Variants in PAX5 observed in about 807,000 individuals in gnomAD.
PAX5 encodes the protein paired box 5.
In PAX5, 9 loss-of-function variants were observed where a neutral mutation model predicts 43.7. The observed-to-expected ratio is 0.21, with a 90% CI of 0.12 to 0.36. The LOEUF (loss-of-function observed/expected upper bound fraction) is 0.36. PAX5 is among the 10% of genes least tolerant of loss of function. The pLI is 1.00. For synonymous variants in PAX5, 228 were observed against 214.3 expected (o/e 1.06, Z -0.56); for missense variants, 383 against 532.7 (o/e 0.72, Z 2.77).
rs192396564 is a variant in PAX5, at chr9:36,877,861, G to A, written c.1012+4143C>T. Among the ~76,000 whole-genome samples the A allele has an allele frequency of 9.8e-5, 15 of 152,356 alleles. No individual in the cohort carries two copies. The South Asian group carries it at 2.5e-3, about 25-fold the overall frequency. ...AGATGTGATTGACTAAGGATCTTGC[G>A]ATGGGGAGATCATCCTGGATCCTCC... On this transcript the variant is annotated intron_variant, in intron 8 of 9. Transcript: ENST00000358127.
chr9:37,030,081 G>A (rs1397838325), intron 1 of PAX5, among the ~76,000 whole-genome samples: 1 of 152,192 alleles, frequency 6.6e-6, no homozygotes, highest in African/African-American at 2.4e-5. Flanking sequence ...GGCCCGAGCA[G>A]GAGTAGCGCC....
intron 1 of PAX5, 121 bp downstream of exon 1, chr9:37,033,865 G>C: frequency 1.3e-6 from 1 of 777,950 alleles, no homozygotes; most frequent in African/African-American, 1.7e-5. Context: ...ACACGCCGCA[G>C]TTAGACAGTC....
chr9:37,011,134 A>AC (rs2132449426), intron 3 of PAX5, among the ~76,000 whole-genome samples: 1 of 151,758 alleles, frequency 6.6e-6, no homozygotes, highest in East Asian at 1.9e-4. Context: ...AAAACAAAAA[A>AC]AAAAAAAAAA....
intron 6 of PAX5, among the ~76,000 whole-genome samples, chr9:36,924,472 C>A (rs2131974151): frequency 6.6e-6 from 1 of 152,276 alleles, no homozygotes; most frequent in African/African-American, 2.4e-5. Flanking sequence ...GTCATTCCAA[C>A]ACTTTGGGAG....
intron 6 of PAX5, among the ~76,000 whole-genome samples, chr9:36,959,475 C>T (rs1168078554): frequency 6.6e-6 from 1 of 152,238 alleles, no homozygotes; most frequent in Non-Finnish European, 1.5e-5. Context: ...TCCAGTCATT[C>T]TTCCTAGGTA....
intron 7 of PAX5, among the ~76,000 whole-genome samples, chr9:36,922,319 A>G (rs2131962876): frequency 6.6e-6 from 1 of 152,300 alleles, no homozygotes. Flanking sequence ...CCTGCCTACC[A>G]GCCCACATGG....
intron 6 of PAX5, among the ~76,000 whole-genome samples, chr9:36,925,546 C>T (rs1830580687): frequency 6.6e-6 from 1 of 152,102 alleles, no homozygotes; most frequent in Admixed American, 6.5e-5. Context: ...TACAAATCAG[C>T]AGGAAAGGAT....
At chr9:37,021,844 A>T (rs1387740755) in intron 1 of PAX5, among the ~76,000 whole-genome samples, 18 of 152,244 alleles carry the variant, frequency 1.2e-4, no homozygotes, top group Admixed American at 1.2e-3. Flanking sequence ...AGCCAAGTCA[A>T]AGCATTTATT....
In PAX5 at chr9:36,837,715, G is replaced by A. The variant is rs1490368551; in HGVS notation, c.*2845C>T. 4.3e-6 allele frequency: 1 copy of A among 233,284 alleles called. No homozygotes were observed. Among genetic ancestry groups the A allele is most frequent in the Non-Finnish European group, 8.5e-6 (1 of 118,134 alleles). 14.5% of individuals were successfully genotyped at this position (233,284 alleles called of 1,614,324 possible). A position where few individuals can be genotyped will look rare whatever the true frequency, so the allele number is the denominator to read the frequency against. ...CCGCCTGGCAGCCCAGGAGTCAAGT[G>A]GTTGTCTCACAAATACAAAACCAAT... On this transcript the variant is annotated 3_prime_UTR_variant, in exon 10 of 10. Transcript: ENST00000358127.
In PAX5 at chr9:36,882,190, A is replaced by G; in HGVS notation, c.911-85T>C. ...CACAGCTCCCTGGACGCTTCTGCAC[A>G]TTTGTCACGTTTGGACGCTGAACGG... On this transcript the variant is annotated intron_variant, in intron 7 of 9. Coordinates refer to ENST00000358127, the MANE Select transcript of PAX5 (RefSeq NM_016734.3). The surrounding 1 kb of genome is among the most constrained non-coding windows in gnomAD (Gnocchi z 4.4). The G allele has an allele frequency of 8.7e-7, 1 of 1,149,292 alleles. No homozygotes were observed. Among genetic ancestry groups the G allele is most frequent in the South Asian group, 1.6e-5 (1 of 64,072 alleles). 71.2% of individuals were successfully genotyped at this position (1,149,292 alleles called of 1,614,324 possible).
chr9:37,020,576 G>A, intron 2 of PAX5, 60 bp downstream of exon 2: 1 of 1,516,416 alleles, frequency 6.6e-7, no homozygotes, highest in Non-Finnish European at 9.1e-7. Context: ...GACAGCTGCT[G>A]GGTCATGTTT....
Position 37,034,098 on chromosome 9 carries a change from C to CTTTTTTTTT in PAX5, c.-76_-68dup, listed in dbSNP as rs576653546. 2,107 of 318,738 alleles carry CTTTTTTTTT rather than the reference C, an allele frequency of 6.6e-3. 35 individuals are homozygous for CTTTTTTTTT. The highest frequency in any genetic ancestry group is 0.014 in the South Asian group (480 of 33,652). The allele number at this position is 318,738 out of a possible 1,614,324, so 19.7% of individuals were successfully genotyped here. A position where few individuals can be genotyped will look rare whatever the true frequency, so the allele number is the denominator to read the frequency against. On this transcript the variant is annotated 5_prime_UTR_variant, in exon 1 of 10. Coordinates refer to ENST00000358127, the MANE Select transcript of PAX5 (RefSeq NM_016734.3). The stretch of plus-strand genomic sequence containing the variant: ...TCCACTTTTTTGTGCCTTTTTTTTT[C>CTTTTTTTTT]TTTTTTTTTTTTTTTTTTTTTTTTT...
chr9:36,939,280 G>A (rs1831823208), intron 6 of PAX5, among the ~76,000 whole-genome samples: 1 of 152,150 alleles, frequency 6.6e-6, no homozygotes, highest in Admixed American at 6.5e-5. Context: ...TGGGCTGTGG[G>A]TGATCCTCAG....
rs540128454 is a variant in PAX5 at position 36,843,452 on chromosome 9, G to T, written c.1100-2816C>A. The stretch of plus-strand genomic sequence containing the variant: ...TGCCCTGCACATCTCAAGAGAGCAT[G>T]CATGCAGCTCCTGTTGGAATGAGGC... On this transcript the variant is annotated intron_variant, in intron 9 of 9. Transcript: ENST00000358127. 2.0e-5 allele frequency among the ~76,000 whole-genome samples: 3 copies of T among 151,926 alleles called. No homozygotes were observed. In the South Asian group the frequency reaches 6.2e-4, roughly 31 times the overall value.
Position 36,836,225 on chromosome 9 carries a change from C to T in PAX5, c.*4335G>A, listed in dbSNP as rs923675471. On this transcript the variant is annotated 3_prime_UTR_variant, in exon 10 of 10. Coordinates refer to ENST00000358127, the MANE Select transcript of PAX5 (RefSeq NM_016734.3). Reference sequence around the variant, plus strand: ...ACCCAGCAGCTCCCCAATCCCGTCCCCAGCGCCTCTGACCTTCCACCCAAC... The same window carrying T: ...ACCCAGCAGCTCCCCAATCCCGTCCTCAGCGCCTCTGACCTTCCACCCAAC... 4.3e-6 allele frequency: 1 copy of T among 233,708 alleles called. No homozygotes were observed. Among genetic ancestry groups the T allele is most frequent in the Non-Finnish European group, 8.4e-6 (1 of 118,376 alleles). 14.5% of individuals were successfully genotyped at this position (233,708 alleles called of 1,614,324 possible). A position where few individuals can be genotyped will look rare whatever the true frequency, so the allele number is the denominator to read the frequency against.
At chr9:36,910,562 G>A (rs555471742) in intron 7 of PAX5, among the ~76,000 whole-genome samples, 2 of 152,230 alleles carry the variant, frequency 1.3e-5, no homozygotes, top group East Asian at 3.9e-4. Flanking sequence ...CTGGACCTCG[G>A]GGGCACACGC....
intron 6 of PAX5, among the ~76,000 whole-genome samples, chr9:36,964,409 G>A (rs998546586): frequency 5.3e-5 from 8 of 151,730 alleles, no homozygotes; most frequent in African/African-American, 1.9e-4. Flanking sequence ...GGCCAACATG[G>A]TGAAACCCCA....
chr9:36,855,973 C>A (rs1267388489), intron 8 of PAX5, among the ~76,000 whole-genome samples: 2 of 152,242 alleles, frequency 1.3e-5, no homozygotes, highest in Non-Finnish European at 2.9e-5. Context: ...GAGTCCCCAG[C>A]CCTGGGTCTA....
At chr9:36,968,400 A>G (rs1834631172) in intron 5 of PAX5, among the ~76,000 whole-genome samples, 1 of 152,232 alleles carries the variant, frequency 6.6e-6, no homozygotes, top group Non-Finnish European at 1.5e-5. Context: ...GACAACTGCA[A>G]TGCAGGGCTG....
Sources: gnomAD v4.1 joint callset for allele counts (sites outside exome capture counted in the v4.1 genomes callset) on GRCh38, gnomAD v4.1.1 for gene constraint, Gnocchi (gnomAD v3.1) non-coding constraint, MANE v1.5 for transcripts, NCBI Gene and HGNC (gene_info 2026-07-23, HGNC 2026-07-21) for gene names.